The following RWDD4 variants were observed in gnomAD, a reference collection of about 807,000 sequenced individuals.
RWDD4 encodes the protein RWD domain-containing protein 4.
In RWDD4, 16 loss-of-function variants were observed where a neutral mutation model predicts 30.0. That is an observed-to-expected ratio of 0.53 (90% CI 0.36 to 0.81). RWDD4 has a LOEUF of 0.81. RWDD4 is among the 30% of genes least tolerant of loss of function. The pLI is 0.00. For synonymous variants in RWDD4, 45 were observed against 72.1 expected, an observed-to-expected ratio of 0.62 and a Z score of 1.90; for missense variants, 170 against 223.9, an observed-to-expected ratio of 0.76 and a Z score of 1.54.
Position 183,642,427 on chromosome 4 carries a change from G to A in RWDD4, c.535-959C>T, listed in dbSNP as rs538981157. Among the ~76,000 whole-genome samples the A allele has an allele frequency of 1.4e-4, 12 of 85,276 alleles. 5 individuals are homozygous for A. Among genetic ancestry groups the A allele is most frequent in the South Asian group, 6.7e-4 (2 of 2,966 alleles). The allele number at this position is 85,276 out of a possible 152,430, so 55.9% of individuals were successfully genotyped here. A position where few individuals can be genotyped will look rare whatever the true frequency, so the allele number is the denominator to read the frequency against. On this transcript the variant is annotated intron_variant, in intron 7 of 7. Transcript: ENST00000326397. ...GATGGTCTCGATCTCCTGACCTCGTGATCCGCCCGCCTCGGCCTCCCAAAG... is the reference window on the plus strand; with the variant it reads ...GATGGTCTCGATCTCCTGACCTCGTAATCCGCCCGCCTCGGCCTCCCAAAG...
At chr4:183,653,359 A>T (rs1734121904) in intron 2 of RWDD4, among the ~76,000 whole-genome samples, 1 of 151,974 alleles carries the variant, frequency 6.6e-6, no homozygotes, top group Admixed American at 6.6e-5. Context: ...ACTTGAGGCC[A>T]GGAGTTAGAG....
rs927079000 is a variant in RWDD4, at chr4:183,659,148, C to T, written c.-196G>A. ...CCAGCCGCCGGCAGTGGGCTGTGGGCTACGAGCCGGAGCCGCGGCTGGTGG... is the reference window on the plus strand; with the variant it reads ...CCAGCCGCCGGCAGTGGGCTGTGGGTTACGAGCCGGAGCCGCGGCTGGTGG... On this transcript the variant is annotated 5_prime_UTR_variant, in exon 1 of 8. Transcript: ENST00000326397. The T allele has an allele frequency of 6.7e-5, 28 of 414,986 alleles. No individual in the cohort carries two copies. The highest frequency in any genetic ancestry group is 3.1e-4 in the African/African-American group (15 of 48,894). The allele number at this position is 414,986 out of a possible 1,614,324, so 25.7% of individuals were successfully genotyped here.
chr4:183,646,224 G>A, intron 7 of RWDD4, 127 bp downstream of exon 7: 1 of 662,114 alleles, frequency 1.5e-6, no homozygotes, highest in South Asian at 1.9e-5. Context: ...CTTAAGATGT[G>A]CTTACATAGT....
chr4:183,646,618 AC>A, intron 5 of RWDD4, 81 bp from the exon 6 acceptor site: 11 of 1,235,588 alleles, frequency 8.9e-6, no homozygotes, highest in Admixed American at 2.3e-5. Context: ...ATACTACTGT[AC>A]ACAACAAATA....
intron 7 of RWDD4, among the ~76,000 whole-genome samples, 160 bp downstream of exon 7, chr4:183,646,189 CCA>C (rs1733962703): frequency 6.6e-6 from 1 of 151,974 alleles, no homozygotes; most frequent in Non-Finnish European, 1.5e-5. Flanking sequence ...CAGGTGTGAG[CCA>C]CTGTCCCCTA....
chr4:183,659,170 G>C lies in RWDD4; in HGVS notation c.-218C>G, dbSNP rs981330100. The C allele has an allele frequency of 7.5e-6, 3 of 397,846 alleles. No individual in the cohort carries two copies. Among genetic ancestry groups the C allele is most frequent in the East Asian group, 3.6e-5 (1 of 27,768 alleles). 24.6% of individuals were successfully genotyped at this position (397,846 alleles called of 1,614,324 possible). On this transcript the variant is annotated 5_prime_UTR_variant, in exon 1 of 8. Coordinates refer to ENST00000326397, the MANE Select transcript of RWDD4 (RefSeq NM_152682.4). ...GGGCTACGAGCCGGAGCCGCGGCTG[G>C]TGGGGCCTGGGAAGTGCAGCGTCTC... is the stretch of plus-strand genomic sequence containing the variant.
At chr4:183,642,228 C>T (rs1380531412) in intron 7 of RWDD4, among the ~76,000 whole-genome samples, 47 of 73,176 alleles carry the variant, frequency 6.4e-4, no homozygotes, top group African/African-American at 3.3e-3. Context: ...CTCGCTCTGT[C>T]GCCCAGGCTG....
intron 2 of RWDD4, among the ~76,000 whole-genome samples, chr4:183,654,319 A>G (rs1435154151): frequency 6.6e-6 from 1 of 152,192 alleles, no homozygotes; most frequent in Admixed American, 6.5e-5. Flanking sequence ...TCAGAGTGCC[A>G]ACTAGTACTG....
chr4:183,650,539 AT>A (rs1476443406), intron 4 of RWDD4, among the ~76,000 whole-genome samples: 9 of 152,124 alleles, frequency 5.9e-5, no homozygotes, highest in Non-Finnish European at 1.2e-4. Flanking sequence ...TAATAAAACA[AT>A]TTTTTCTATT....
Position 183,656,966 on chromosome 4 carries a change from C to T in RWDD4, c.25-1005G>A, listed in dbSNP as rs369036064. On this transcript the variant is annotated intron_variant, in intron 1 of 7. Coordinates refer to ENST00000326397, the MANE Select transcript of RWDD4 (RefSeq NM_152682.4). ...GCTTGAACCCAGGAGGCGGAGGTTG[C>T]AGTGAGCCGAGATCGGGCCACTGCA... Among the ~76,000 whole-genome samples, 73 of 152,322 alleles carry T rather than the reference C, an allele frequency of 4.8e-4. No homozygotes were observed. The East Asian group carries it at 0.01, about 21-fold the overall frequency.
chr4:183,641,496 A>C, intron 7 of RWDD4, 28 bp from the exon 8 acceptor site: 1 of 1,569,348 alleles, frequency 6.4e-7, no homozygotes, highest in Non-Finnish European at 8.8e-7. Flanking sequence ...AAAATAGTCA[A>C]CAAGTGGTAT....
intron 1 of RWDD4, 120 bp downstream of exon 1, chr4:183,658,809 G>T: frequency 1.1e-6 from 1 of 929,908 alleles, no homozygotes; most frequent in Non-Finnish European, 1.4e-6. Context: ...GGGGCACCCC[G>T]GCCGGCTCCG....
At chr4:183,658,838 C>T in intron 1 of RWDD4, 91 bp downstream of exon 1, 2 of 1,130,692 alleles carry the variant, frequency 1.8e-6, no homozygotes, top group Middle Eastern at 3.3e-4. Context: ...GGGCACGTGC[C>T]GGGCAGGCTG....
At chr4:183,657,584 C>T (rs2111256557) in intron 1 of RWDD4, among the ~76,000 whole-genome samples, 1 of 152,262 alleles carries the variant, frequency 6.6e-6, no homozygotes, top group Non-Finnish European at 1.5e-5. Context: ...AGACAAATTG[C>T]TTTGTATAAA....
At position 183,651,033 on chromosome 4, in the gene RWDD4, T is replaced by C; in HGVS notation, c.314A>G (p.Lys105Arg). ...CTCCATGAACTGCTCTTTATTGTCTTTGGCATATTCAAACAATGTATAGGT... is the reference window on the plus strand; with the variant it reads ...CTCCATGAACTGCTCTTTATTGTCTCTGGCATATTCAAACAATGTATAGGT... ...AMTYTLFEYA[K>R]DNKEQFMENH... Residue 105 changes from lysine to arginine, a missense_variant, in exon 4 of 8, where the codon AAA becomes AGA. Physicochemically the swap from Lys to Arg is conservative, Grantham distance 26. Transcript: ENST00000326397. The C allele has an allele frequency of 6.2e-7, 1 of 1,613,222 alleles. No individual in the cohort carries two copies. The highest frequency in any genetic ancestry group is 8.5e-7 in the Non-Finnish European group (1 of 1,179,962).
Position 183,640,031 on chromosome 4 carries a change from C to A in RWDD4, c.*1405G>T, listed in dbSNP as rs907473721. 6.6e-6 allele frequency: 1 copy of A among 152,084 alleles called. No homozygotes were observed. The highest frequency in any genetic ancestry group is 2.4e-5 in the African/African-American group (1 of 41,492). The allele number at this position is 152,084 out of a possible 1,614,324, so 9.4% of individuals were successfully genotyped here. On this transcript the variant is annotated 3_prime_UTR_variant, in exon 8 of 8. Coordinates refer to ENST00000326397, the MANE Select transcript of RWDD4 (RefSeq NM_152682.4). Reference sequence around the variant, plus strand: ...ACACACAACCCTGAAACATAAGTTGCCATATTCCAGTGGTCCTGAATTTTA... The same window carrying A: ...ACACACAACCCTGAAACATAAGTTGACATATTCCAGTGGTCCTGAATTTTA...
At chr4:183,650,434 A>C (rs774926942) in intron 4 of RWDD4, among the ~76,000 whole-genome samples, 2 of 152,242 alleles carry the variant, frequency 1.3e-5, no homozygotes, top group Non-Finnish European at 2.9e-5. Flanking sequence ...CGAACCCCTC[A>C]AAGTCTTTTA....
intron 7 of RWDD4, among the ~76,000 whole-genome samples, chr4:183,643,512 G>A (rs946107725): frequency 1.4e-5 from 2 of 143,392 alleles, no homozygotes; most frequent in African/African-American, 5.5e-5. Context: ...TGTACCCCCT[G>A]AGAGAGTCTC....
intron 2 of RWDD4, among the ~76,000 whole-genome samples, chr4:183,651,558 T>C (rs1029063050): frequency 6.6e-6 from 1 of 152,220 alleles, no homozygotes; most frequent in Non-Finnish European, 1.5e-5. Context: ...TTTATGCCCA[T>C]GTCCTGTCCC....
Sources: gnomAD v4.1 joint callset for allele counts (sites outside exome capture counted in the v4.1 genomes callset) on GRCh38, gnomAD v4.1.1 for gene constraint, MANE v1.5 for transcripts, NCBI Gene and HGNC (gene_info 2026-07-23, HGNC 2026-07-21) for gene names.